CEP112: variants seen among roughly 807,000 people sequenced by gnomAD.
CEP112 encodes centrosomal protein 112.
In CEP112, 127 loss-of-function variants were observed where a neutral mutation model predicts 153.0. That is an observed-to-expected ratio of 0.83 (90% CI 0.72 to 0.96). The LOEUF is 0.96. Ranked by LOEUF, CEP112 falls within the 40% of genes least tolerant of loss-of-function variation. The pLI, the probability that CEP112 is intolerant of heterozygous loss-of-function variation, is 0.00. For synonymous variants in CEP112, 358 were observed against 374.4 expected (o/e 0.96, Z 0.51); for missense variants, 1,089 against 1,101.2 (o/e 0.99, Z 0.16).
At chr17:65,897,522 T>C (rs1008373022) in intron 20 of CEP112, among the ~76,000 whole-genome samples, 1 of 152,132 alleles carries the variant, frequency 6.6e-6, no homozygotes, top group Non-Finnish European at 1.5e-5. Context: ...AAATAATTTC[T>C]AATCTCAGCT....
chr17:66,008,046 T>C (rs2064348040), intron 16 of CEP112, among the ~76,000 whole-genome samples: 2 of 152,132 alleles, frequency 1.3e-5, no homozygotes, highest in Admixed American at 1.3e-4. Flanking sequence ...AGACAGAAAA[T>C]GACTTTTCCA....
At chr17:65,683,207 A>T (rs1362352065) in intron 24 of CEP112, among the ~76,000 whole-genome samples, 1 of 152,194 alleles carries the variant, frequency 6.6e-6, no homozygotes, top group Non-Finnish European at 1.5e-5. Context: ...TACCATGGAG[A>T]CCGTCTTTGG....
chr17:65,763,292 T>C (rs2052726838), intron 21 of CEP112, among the ~76,000 whole-genome samples: 1 of 152,038 alleles, frequency 6.6e-6, no homozygotes, highest in Non-Finnish European at 1.5e-5. Context: ...GTGTAGCATG[T>C]TTTTTCTTTC....
chr17:65,973,598 G>T (rs547079957), intron 17 of CEP112, among the ~76,000 whole-genome samples: 5 of 152,236 alleles, frequency 3.3e-5, no homozygotes, highest in Middle Eastern at 3.4e-3. Flanking sequence ...AAACACTGAT[G>T]ATATCAAGTT....
At chr17:65,700,576 A>G (rs2048582989) in intron 23 of CEP112, among the ~76,000 whole-genome samples, 1 of 152,144 alleles carries the variant, frequency 6.6e-6, no homozygotes, top group Admixed American at 6.5e-5. Flanking sequence ...GGCCAAGCAG[A>G]GGGGTGGCAC....
chr17:65,756,256 A>G (rs922857492), intron 21 of CEP112, among the ~76,000 whole-genome samples: 2 of 152,044 alleles, frequency 1.3e-5, no homozygotes, highest in Admixed American at 1.3e-4. Context: ...ATACAAAAAA[A>G]TTAGCTGGGC....
intron 24 of CEP112, among the ~76,000 whole-genome samples, chr17:65,643,067 T>C (rs1260747897): frequency 6.6e-6 from 1 of 152,064 alleles, no homozygotes; most frequent in African/African-American, 2.4e-5. Context: ...CCACTGGCCA[T>C]TCTGGAGTGT....
intron 23 of CEP112, among the ~76,000 whole-genome samples, chr17:65,713,834 C>T (rs963217084): frequency 3.3e-5 from 5 of 152,154 alleles, no homozygotes; most frequent in South Asian, 2.1e-4. Flanking sequence ...GTGATCCGCC[C>T]GCCTCGGCCT....
chr17:65,950,139 T>C (rs139705385), intron 18 of CEP112, among the ~76,000 whole-genome samples: 14 of 152,204 alleles, frequency 9.2e-5, no homozygotes, highest in Admixed American at 5.2e-4. Context: ...TGCATGTCAC[T>C]ACCTGTTTTC....
chr17:65,778,056 G>A (rs2053786333), intron 21 of CEP112, among the ~76,000 whole-genome samples: 1 of 152,062 alleles, frequency 6.6e-6, no homozygotes, highest in South Asian at 2.1e-4. Context: ...GGACCTCTAT[G>A]GTGACTGTCC....
intron 6 of CEP112, among the ~76,000 whole-genome samples, chr17:66,118,013 G>A (rs1309777690): frequency 6.6e-6 from 1 of 152,168 alleles, no homozygotes; most frequent in Non-Finnish European, 1.5e-5. Context: ...GGCAATAAAG[G>A]ATGCTGACGA....
intron 17 of CEP112, among the ~76,000 whole-genome samples, chr17:65,991,429 G>T (rs1041648862): frequency 6.6e-6 from 1 of 151,910 alleles, no homozygotes; most frequent in Non-Finnish European, 1.5e-5. Flanking sequence ...AGTAGCAATA[G>T]AAAAAATATA....
At chr17:65,788,139 A>G (rs1400069434) in intron 21 of CEP112, among the ~76,000 whole-genome samples, 1 of 152,152 alleles carries the variant, frequency 6.6e-6, no homozygotes, top group African/African-American at 2.4e-5. Flanking sequence ...AATTTTGCCA[A>G]ATGCTTTTCT....
intron 6 of CEP112, among the ~76,000 whole-genome samples, chr17:66,100,409 G>GAAAAAAAA (rs35510367): frequency 8.4e-6 from 1 of 118,408 alleles, no homozygotes; most frequent in African/African-American, 3.1e-5. Flanking sequence ...TCAAAAAACA[G>GAAAAAAAA]AAAAAAAAAA....
intron 24 of CEP112, among the ~76,000 whole-genome samples, chr17:65,642,967 C>T (rs780131365): frequency 2.0e-5 from 3 of 152,234 alleles, no homozygotes; most frequent in African/African-American, 7.2e-5. Flanking sequence ...TCCCACCCCA[C>T]AGTAAAAATC....
In CEP112 at chr17:66,029,817, A is replaced by T. The variant is rs1342757644; in HGVS notation, c.1373+52T>A. On this transcript the variant is annotated intron_variant, in intron 13 of 26. Coordinates refer to ENST00000535342, the MANE Select transcript of CEP112 (RefSeq NM_001199165.4). The stretch of plus-strand genomic sequence containing the variant: ...ATTTTGGCAGATAACTGATACAGTT[A>T]ATATCAGTACTTTATAGCTACACCT... 7 of 1,497,186 alleles carry T rather than the reference A, an allele frequency of 4.7e-6. No homozygotes were observed. The African/African-American group carries it at 7.0e-5, about 15-fold the overall frequency. The allele number at this position is 1,497,186 out of a possible 1,614,324, so 92.7% of individuals were successfully genotyped here.
chr17:66,143,153 A>AAG (rs1352204515), intron 4 of CEP112, among the ~76,000 whole-genome samples: 3 of 152,222 alleles, frequency 2.0e-5, no homozygotes, highest in Non-Finnish European at 4.4e-5. Context: ...AGAGAAATGA[A>AAG]GCAGAGAAGA....
chr17:65,751,983 TATCTATCTATC>T (rs1225504277), intron 21 of CEP112, among the ~76,000 whole-genome samples: 80 of 145,688 alleles, frequency 5.5e-4, no homozygotes, highest in South Asian at 2.9e-3. Context: ...TCTATCTATC[TATCTATCTATC>T]TATCTATCTA....
intron 24 of CEP112, among the ~76,000 whole-genome samples, chr17:65,661,138 G>A (rs1014975915): frequency 6.6e-6 from 1 of 152,098 alleles, no homozygotes; most frequent in Admixed American, 6.5e-5. Context: ...ATGTCATGTT[G>A]TGACTCATGC....
Sources: gnomAD v4.1 joint callset for allele counts (sites outside exome capture counted in the v4.1 genomes callset) on GRCh38, gnomAD v4.1.1 for gene constraint, MANE v1.5 for transcripts, NCBI Gene and HGNC (gene_info 2026-07-23, HGNC 2026-07-21) for gene names.